The following CTNNA2 variants were observed in gnomAD, a reference collection of about 807,000 sequenced individuals.
CTNNA2 encodes catenin alpha-2.
Under a neutral mutation model 101.0 loss-of-function variants are expected in CTNNA2, and 42 were observed. The observed-to-expected ratio is 0.42, with a 90% CI of 0.32 to 0.54. The LOEUF (loss-of-function observed/expected upper bound fraction) is 0.54, where lower values mean the gene tolerates loss of function less well. Ranked by LOEUF, CTNNA2 falls within the 20% of genes least tolerant of loss-of-function variation. CTNNA2 has a pLI of 0.14. For synonymous variants in CTNNA2, 450 were observed against 456.4 expected, an observed-to-expected ratio of 0.99 and a Z score of 0.18; for missense variants, 871 against 1,223.1, an observed-to-expected ratio of 0.71 and a Z score of 4.29.
intron 4 of CTNNA2, among the ~76,000 whole-genome samples, chr2:79,375,326 G>T (rs1006235565): frequency 1.3e-5 from 2 of 152,138 alleles, no homozygotes; most frequent in Admixed American, 1.3e-4. Flanking sequence ...CTTTTTGTAA[G>T]AATTGCAGTA....
chr2:80,166,002 A>G (rs1704666305), intron 7 of CTNNA2, among the ~76,000 whole-genome samples: 1 of 152,110 alleles, frequency 6.6e-6, no homozygotes, highest in African/African-American at 2.4e-5. Flanking sequence ...AAATTTTTCT[A>G]CATTAACAGG....
chr2:80,081,392 C>T (rs569087449), intron 7 of CTNNA2, among the ~76,000 whole-genome samples: 4 of 152,140 alleles, frequency 2.6e-5, no homozygotes, highest in South Asian at 4.2e-4. Context: ...GGGCTGTTTT[C>T]GTTATCTGAT....
rs558845934 is a variant in CTNNA2 at position 79,698,733 on chromosome 2, A to AT, written c.103-45653dup. ...AAAGGGAATGTGTGTATGTGTGTAC[A>AT]TGTTGCATATGGGTGCATGGTGTTT... On this transcript the variant is annotated intron_variant, in intron 2 of 18. Transcript: ENST00000402739. Among the ~76,000 whole-genome samples, 549 of 152,196 alleles carry AT rather than the reference A, an allele frequency of 3.6e-3. 2 individuals carry two copies. In the Middle Eastern group the frequency reaches 0.058, roughly 16 times the overall value.
At chr2:79,454,849 C>T (rs1035978459) in intron 4 of CTNNA2, among the ~76,000 whole-genome samples, 1 of 152,158 alleles carries the variant, frequency 6.6e-6, no homozygotes, top group Non-Finnish European at 1.5e-5. Flanking sequence ...TTAGACACTC[C>T]ATAGAGGCAG....
intron 7 of CTNNA2, among the ~76,000 whole-genome samples, chr2:80,203,092 A>C (rs750567599): frequency 6.6e-5 from 10 of 152,162 alleles, no homozygotes; most frequent in Non-Finnish European, 1.3e-4. Flanking sequence ...ACCCATCCCC[A>C]TTATTCAATC....
chr2:80,135,894 T>C (rs1702667066), intron 7 of CTNNA2, among the ~76,000 whole-genome samples: 1 of 151,920 alleles, frequency 6.6e-6, no homozygotes, highest in African/African-American at 2.4e-5. Context: ...ACCCCAGGGG[T>C]AGGAGGATGG....
chr2:80,641,831 A>T (rs1673526664), intron 18 of CTNNA2, among the ~76,000 whole-genome samples: 1 of 152,080 alleles, frequency 6.6e-6, no homozygotes, highest in Admixed American at 6.5e-5. Context: ...TTATTCTGAG[A>T]AATTTTTTGG....
intron 7 of CTNNA2, among the ~76,000 whole-genome samples, chr2:80,309,024 G>C (rs1677282825): frequency 6.6e-6 from 1 of 152,054 alleles, no homozygotes; most frequent in Non-Finnish European, 1.5e-5. Flanking sequence ...GGGAGGTGGA[G>C]GTTGCAGTGA....
At chr2:79,667,873 T>G (rs1682532811) in intron 2 of CTNNA2, among the ~76,000 whole-genome samples, 1 of 152,206 alleles carries the variant, frequency 6.6e-6, no homozygotes, top group Admixed American at 6.5e-5. Flanking sequence ...TGATTAAACT[T>G]TAATGCATGG....
chr2:80,244,085 A>G (rs1203908203), intron 7 of CTNNA2, among the ~76,000 whole-genome samples: 1 of 152,246 alleles, frequency 6.6e-6, no homozygotes, highest in Non-Finnish European at 1.5e-5. Flanking sequence ...TAATGACCTA[A>G]CATGAAGAGA....
rs140367849 is a variant in CTNNA2 at position 79,871,178 on chromosome 2, A to G, written c.585+1243A>G. ...GTTTCTCTAACTTTCTCTCTGACCA[A>G]CAGGAAAGTTCCACTCAACAAACAT... On this transcript the variant is annotated intron_variant, in intron 5 of 18. Transcript: ENST00000402739. Among the ~76,000 whole-genome samples, 728 of 152,296 alleles carry G rather than the reference A, an allele frequency of 4.8e-3. 2 individuals are homozygous for G. The highest frequency in any genetic ancestry group is 7.0e-3 in the Non-Finnish European group (476 of 68,022).
Position 80,181,759 on chromosome 2 carries a change from CT to C in CTNNA2, c.1057-211449del, listed in dbSNP as rs534862403. Among the ~76,000 whole-genome samples the C allele has an allele frequency of 1.2e-3, 176 of 152,308 alleles. 1 individual carries two copies. The highest frequency in any genetic ancestry group is 3.2e-4 in the Non-Finnish European group (22 of 68,026). The stretch of plus-strand genomic sequence containing the variant: ...GTATTATGTATAGAGTCACTGTATT[CT>C]TTGCCACTCACAAATGGTGAATCAG... On this transcript the variant is annotated intron_variant, in intron 7 of 18. Transcript: ENST00000402739.
intron 7 of CTNNA2, among the ~76,000 whole-genome samples, chr2:80,097,727 ACTT>A (rs1700248913): frequency 6.6e-6 from 1 of 151,756 alleles, no homozygotes; most frequent in South Asian, 2.1e-4. Context: ...TTTTCTCTAA[ACTT>A]CTCTTCTCAC....
chr2:79,880,273 G>T (rs1683326629), intron 6 of CTNNA2, among the ~76,000 whole-genome samples: 1 of 152,014 alleles, frequency 6.6e-6, no homozygotes, highest in Admixed American at 6.6e-5. Flanking sequence ...TTGGCATGAA[G>T]TTTTCCTTTT....
At chr2:79,753,651 A>C (rs1277537233) in intron 3 of CTNNA2, among the ~76,000 whole-genome samples, 1 of 152,038 alleles carries the variant, frequency 6.6e-6, no homozygotes, top group Non-Finnish European at 1.5e-5. Context: ...TGAGATGTAC[A>C]TGGTCCTAAC....
chr2:80,406,757 GC>G (rs201099185), intron 8 of CTNNA2, among the ~76,000 whole-genome samples: 6,484 of 150,740 alleles, frequency 0.043, 485 homozygotes, highest in African/African-American at 0.15. Flanking sequence ...AACCCGGGAG[GC>G]GGAGCTTGCA....
chr2:80,128,299 T>C (rs538643088), intron 7 of CTNNA2, among the ~76,000 whole-genome samples: 8 of 152,310 alleles, frequency 5.3e-5, no homozygotes, highest in Middle Eastern at 3.4e-3. Flanking sequence ...TTTTGCTCAT[T>C]TGAGTGATCA....
intron 7 of CTNNA2, among the ~76,000 whole-genome samples, chr2:80,136,702 G>C (rs1188255317): frequency 6.6e-6 from 1 of 152,004 alleles, no homozygotes; most frequent in African/African-American, 2.4e-5. Flanking sequence ...CAAAAAGCAG[G>C]GCCATTGATC....
chr2:80,424,239 C>A (rs772267022), intron 9 of CTNNA2, among the ~76,000 whole-genome samples: 9 of 152,302 alleles, frequency 5.9e-5, no homozygotes, highest in East Asian at 5.8e-4. Flanking sequence ...CAGGCGTGAG[C>A]CACCGTGCCC....
Sources: gnomAD v4.1 joint callset for allele counts (sites outside exome capture counted in the v4.1 genomes callset) on GRCh38, gnomAD v4.1.1 for gene constraint, MANE v1.5 for transcripts, NCBI Gene and HGNC (gene_info 2026-07-23, HGNC 2026-07-21) for gene names.